Variants in ZFPM2 observed in about 807,000 individuals in gnomAD.
ZFPM2 encodes zinc finger protein ZFPM2.
ZFPM2 carries 20 observed loss-of-function variants against 98.6 expected under a neutral mutation model. The observed-to-expected ratio is 0.20, with a 90% CI of 0.14 to 0.29. The LOEUF (loss-of-function observed/expected upper bound fraction) is 0.29. Among genes scored for constraint, ZFPM2 ranks in the 10% least tolerant of loss-of-function variants. The pLI is 1.00. For missense variants in ZFPM2, 1,310 were observed against 1,388.6 expected (o/e 0.94, Z 0.90); for synonymous variants, 518 against 502.7 (o/e 1.03, Z -0.41).
intron 6 of ZFPM2, among the ~76,000 whole-genome samples, chr8:105,791,330 T>C (rs1180605118): frequency 6.6e-6 from 1 of 152,240 alleles, no homozygotes; most frequent in East Asian, 1.9e-4. Flanking sequence ...AGGCCTTTTC[T>C]GCATCTATTG....
chr8:105,402,418 A>T (rs575411371), intron 1 of ZFPM2, among the ~76,000 whole-genome samples: 1 of 152,124 alleles, frequency 6.6e-6, no homozygotes, highest in South Asian at 2.1e-4. Flanking sequence ...CATGTGGAAG[A>T]CAGGAATCCT....
intron 5 of ZFPM2, among the ~76,000 whole-genome samples, chr8:105,725,175 T>G (rs2131003439): frequency 6.6e-6 from 1 of 152,006 alleles, no homozygotes; most frequent in African/African-American, 2.4e-5. Flanking sequence ...AATATTTTGC[T>G]TTTCCAATCA....
intron 5 of ZFPM2, chr8:105,737,711 C>T (rs1217728836): frequency 6.6e-6 from 1 of 152,042 alleles, no homozygotes. Context: ...AATTCCTCAC[C>T]TGTGTGCTTC....
intron 5 of ZFPM2, among the ~76,000 whole-genome samples, chr8:105,638,749 A>G (rs1447726883): frequency 6.6e-6 from 1 of 152,088 alleles, no homozygotes; most frequent in Admixed American, 6.6e-5. Flanking sequence ...GCTAGTAACA[A>G]AATTAAATAT....
At chr8:105,460,504 C>T (rs555630514) in intron 3 of ZFPM2, among the ~76,000 whole-genome samples, 13 of 152,200 alleles carry the variant, frequency 8.5e-5, no homozygotes, top group South Asian at 4.2e-4. Flanking sequence ...ATTCCAGCAT[C>T]GCAGGCACGG....
chr8:105,469,279 G>T (rs555651459), intron 3 of ZFPM2, among the ~76,000 whole-genome samples: 6 of 152,230 alleles, frequency 3.9e-5, no homozygotes, highest in African/African-American at 1.4e-4. Context: ...GTTAATTGCT[G>T]CTTGTGATTA....
At chr8:105,761,843 A>T (rs895614153) in intron 5 of ZFPM2, among the ~76,000 whole-genome samples, 7 of 152,030 alleles carry the variant, frequency 4.6e-5, no homozygotes, top group East Asian at 1.9e-4. Flanking sequence ...AAAAATAAAA[A>T]TTTTTTTATT....
intron 5 of ZFPM2, among the ~76,000 whole-genome samples, chr8:105,655,682 C>A: frequency 6.6e-6 from 1 of 152,176 alleles, no homozygotes; most frequent in East Asian, 1.9e-4. Context: ...TCTACCATAA[C>A]AACATGTTAA....
At chr8:105,752,616 TAAAC>T (rs1417629729) in intron 5 of ZFPM2, among the ~76,000 whole-genome samples, 4 of 152,134 alleles carry the variant, frequency 2.6e-5, no homozygotes, top group African/African-American at 9.7e-5. Flanking sequence ...TCGTATAGAA[TAAAC>T]AAACAATACT....
Position 105,695,646 on chromosome 8 carries a change from C to T in ZFPM2, c.532+61289C>T, listed in dbSNP as rs1811001983. ...ATGAAATCAGAATTACTCATGCATG[C>T]TGAGAATCACTCAAAACCAAAGAAA... On this transcript the variant is annotated intron_variant, in intron 5 of 7. Transcript: ENST00000407775. 2.6e-5 allele frequency among the ~76,000 whole-genome samples: 4 copies of T among 152,036 alleles called. No individual in the cohort carries two copies. In the South Asian group the frequency reaches 8.3e-4, roughly 32 times the overall value.
intron 5 of ZFPM2, among the ~76,000 whole-genome samples, chr8:105,664,100 GA>G (rs1415277057): frequency 6.6e-6 from 1 of 152,154 alleles, no homozygotes; most frequent in Non-Finnish European, 1.5e-5. Context: ...TTATGATTGA[GA>G]AAATCAACAA....
chr8:105,523,036 TA>T (rs1814096373), intron 3 of ZFPM2, among the ~76,000 whole-genome samples: 1 of 152,208 alleles, frequency 6.6e-6, no homozygotes, highest in Admixed American at 6.5e-5. Flanking sequence ...GTTCTTATTC[TA>T]GCCCTAGCTC....
At chr8:105,409,042 G>A (rs1219757020) in intron 1 of ZFPM2, among the ~76,000 whole-genome samples, 1 of 151,842 alleles carries the variant, frequency 6.6e-6, no homozygotes. Context: ...AGTGGAACAT[G>A]TGTGTGATCT....
intron 5 of ZFPM2, among the ~76,000 whole-genome samples, chr8:105,639,471 C>T (rs1446358563): frequency 6.6e-6 from 1 of 152,020 alleles, no homozygotes; most frequent in Non-Finnish European, 1.5e-5. Context: ...TGCTAACCCT[C>T]ACTCTCACCT....
chr8:105,590,862 A>G (rs1178276043), intron 4 of ZFPM2, among the ~76,000 whole-genome samples: 1 of 152,260 alleles, frequency 6.6e-6, no homozygotes, highest in East Asian at 1.9e-4. Flanking sequence ...CCACTTTAGG[A>G]ATAAGCAAAA....
At position 105,803,264 on chromosome 8, in the gene ZFPM2, A is replaced by G. The variant is rs1236578939; in HGVS notation, c.3182A>G (p.Glu1061Gly). The change falls in exon 8 of 8, where the codon GAG becomes GGG. Residue 1061 changes from glutamate to glycine, a missense_variant. Coordinates refer to ENST00000407775, the MANE Select transcript of ZFPM2 (RefSeq NM_012082.4). ...DERPAANPQQ[E>G]NISQNPQHED... ...AGACCTGCTGCCAACCCACAGCAAG[A>G]GAACATTTCCCAGAATCCTCAGCAC... 3 of 1,600,444 alleles carry G rather than the reference A, an allele frequency of 1.9e-6. No individual in the cohort carries two copies. Among genetic ancestry groups the G allele is most frequent in the Admixed American group, 1.7e-5 (1 of 58,702 alleles).
chr8:105,730,769 CTTTTTTCTTTT>C (rs1374396619), intron 5 of ZFPM2, among the ~76,000 whole-genome samples: 2 of 118,858 alleles, frequency 1.7e-5, no homozygotes, highest in African/African-American at 6.1e-5. Context: ...TGAACTTTTT[CTTTTTTCTTTT>C]TTTTTTTTTT....
chr8:105,553,655 T>C (rs1267728003), intron 3 of ZFPM2, among the ~76,000 whole-genome samples: 3 of 152,202 alleles, frequency 2.0e-5, no homozygotes, highest in Admixed American at 6.5e-5. Flanking sequence ...TCATGCTCTT[T>C]TAATACCATC....
intron 1 of ZFPM2, among the ~76,000 whole-genome samples, chr8:105,394,786 G>C (rs141861008): frequency 6.6e-6 from 1 of 152,196 alleles, no homozygotes; most frequent in Non-Finnish European, 1.5e-5. Context: ...TAAATTAAAG[G>C]GTGCGTCATT....
Sources: gnomAD v4.1 joint callset for allele counts (sites outside exome capture counted in the v4.1 genomes callset) on GRCh38, gnomAD v4.1.1 for gene constraint, MANE v1.5 for transcripts, NCBI Gene and HGNC (gene_info 2026-07-23, HGNC 2026-07-21) for gene names.